GLMN: variants seen among roughly 807,000 people sequenced by gnomAD.
GLMN encodes the protein glomulin, FKBP associated protein, also known as glomulin.
A neutral mutation model predicts 87.8 loss-of-function variants in GLMN; 75 were observed. That is an observed-to-expected ratio of 0.85 (90% confidence interval 0.71 to 1.04). The LOEUF (loss-of-function observed/expected upper bound fraction) is 1.04. GLMN is among the 50% of genes least tolerant of loss of function. The pLI is 0.00. For missense variants in GLMN, 588 were observed against 658.8 expected (o/e 0.89, Z 1.18); for synonymous variants, 206 against 221.6 (o/e 0.93, Z 0.63).
the GLMN span, among the ~76,000 whole-genome samples, chr1:92,368,573 A>T: frequency 6.6e-6 from 1 of 152,328 alleles, no homozygotes; most frequent in South Asian, 2.1e-4. Context: ...GGTTTAGTCA[A>T]GAGTTTGTAC....
chr1:92,280,356 A>G (rs1046846072), intron 7 of GLMN, among the ~76,000 whole-genome samples: 2 of 152,194 alleles, frequency 1.3e-5, no homozygotes, highest in Non-Finnish European at 2.9e-5. Flanking sequence ...AGCAAACTCC[A>G]ACATACCTGC....
chr1:92,366,880 GT>G, the GLMN span, among the ~76,000 whole-genome samples: 1 of 152,084 alleles, frequency 6.6e-6, no homozygotes, highest in Non-Finnish European at 1.5e-5. Context: ...CTTCATTTCA[GT>G]TTTGATTGTA....
In GLMN at chr1:92,290,391, G is replaced by A. The variant is rs750620007; in HGVS notation, c.286-85C>T. ...TACTATTTTTAAGAAGGCATGTATCGACAAAATATTATACAATTATGTTTT... is the reference window on the plus strand; with the variant it reads ...TACTATTTTTAAGAAGGCATGTATCAACAAAATATTATACAATTATGTTTT... On this transcript the variant is annotated intron_variant, in intron 4 of 18. Transcript: ENST00000370360. The A allele has an allele frequency of 2.8e-5, 22 of 782,832 alleles. 1 individual carries two copies. Among genetic ancestry groups the A allele is most frequent in the Admixed American group, 5.7e-5 (3 of 52,594 alleles). 48.5% of individuals were successfully genotyped at this position (782,832 alleles called of 1,614,324 possible).
At chr1:92,254,257 T>C (rs981173717) in intron 16 of GLMN, among the ~76,000 whole-genome samples, 3 of 152,014 alleles carry the variant, frequency 2.0e-5, no homozygotes, top group African/African-American at 7.2e-5. Context: ...TTCCAAGAAA[T>C]ATGGGACTAT....
the GLMN span, among the ~76,000 whole-genome samples, chr1:92,352,718 A>G: frequency 6.6e-6 from 1 of 152,228 alleles, no homozygotes; most frequent in Non-Finnish European, 1.5e-5. Context: ...CATCATTTGT[A>G]TATTTTAAAA....
the GLMN span, among the ~76,000 whole-genome samples, chr1:92,361,274 C>T: frequency 6.6e-6 from 1 of 151,986 alleles, no homozygotes; most frequent in African/African-American, 2.4e-5. Context: ...AAATTTGAAG[C>T]AGTTTTCTTA....
At chr1:92,269,200 C>CTTTTTTTTT (rs769947623) in intron 9 of GLMN, among the ~76,000 whole-genome samples, 2 of 132,106 alleles carry the variant, frequency 1.5e-5, no homozygotes, top group Non-Finnish European at 3.3e-5. Context: ...CCGTGCCTGG[C>CTTTTTTTTT]TTTTTTTTTT....
chr1:92,333,434 A>G, the GLMN span: 2 of 1,613,768 alleles, frequency 1.2e-6, no homozygotes, highest in East Asian at 4.5e-5. Flanking sequence ...TCCCAGAACC[A>G]GATTAGAAAA....
chr1:92,368,165 G>T, the GLMN span, among the ~76,000 whole-genome samples: 1 of 152,150 alleles, frequency 6.6e-6, no homozygotes, highest in South Asian at 2.1e-4. Context: ...TGGGTCACAA[G>T]GTCAGGAGTT....
intron 7 of GLMN, among the ~76,000 whole-genome samples, chr1:92,283,005 A>G (rs1648269917): frequency 6.6e-6 from 1 of 152,236 alleles, no homozygotes; most frequent in South Asian, 2.1e-4. Flanking sequence ...AACCAAAAAA[A>G]GTCGAGGACC....
chr1:92,341,786 A>C, the GLMN span, among the ~76,000 whole-genome samples: 1 of 152,178 alleles, frequency 6.6e-6, no homozygotes. Context: ...CTGGGATTAC[A>C]GGCATGCGCC....
the GLMN span, among the ~76,000 whole-genome samples, chr1:92,309,586 C>T: frequency 3.6e-3 from 26 of 7,202 alleles, no homozygotes; most frequent in East Asian, 0.083. Flanking sequence ...CATATACATA[C>T]ACATACACAT....
the GLMN span, among the ~76,000 whole-genome samples, chr1:92,340,101 A>G: frequency 1.3e-5 from 2 of 152,244 alleles, no homozygotes; most frequent in African/African-American, 4.8e-5. Context: ...CCAAAAAAGT[A>G]TGCTTTATTT....
chr1:92,314,306 G>GT, the GLMN span, among the ~76,000 whole-genome samples: 22 of 148,662 alleles, frequency 1.5e-4, no homozygotes, highest in African/African-American at 5.4e-4. Context: ...CATTGTAAGG[G>GT]TTTTTTTGTT....
At chr1:92,263,901 G>T (rs1036752481) in intron 14 of GLMN, among the ~76,000 whole-genome samples, 169 bp from the exon 15 acceptor site, 1 of 152,190 alleles carries the variant, frequency 6.6e-6, no homozygotes, top group Non-Finnish European at 1.5e-5. Flanking sequence ...AACCCTGCCA[G>T]TTTGAGAACA....
chr1:92,332,113 CT>C, the GLMN span, among the ~76,000 whole-genome samples: 4 of 149,790 alleles, frequency 2.7e-5, no homozygotes, highest in South Asian at 2.1e-4. Flanking sequence ...TCTCTTTAGT[CT>C]TTTTTTTTAC....
intron 16 of GLMN, among the ~76,000 whole-genome samples, chr1:92,252,004 G>T (rs1259506380): frequency 6.6e-6 from 1 of 151,704 alleles, no homozygotes; most frequent in Non-Finnish European, 1.5e-5. Flanking sequence ...CGCCATGTTG[G>T]ACTGGCTGGT....
At chr1:92,323,402 G>T in the GLMN span, 1 of 1,366,742 alleles carries the variant, frequency 7.3e-7, no homozygotes, top group East Asian at 2.3e-5. Flanking sequence ...GGTTTTATTT[G>T]CTATTTTTTA....
At chr1:92,300,361 G>C, upstream of GLMN, 2 of 733,676 alleles carry the variant, frequency 2.7e-6, no homozygotes, top group Non-Finnish European at 2.3e-6. Context: ...AGAGGGAAGG[G>C]AAAGATCTGG....
Sources: allele counts gnomAD v4.1 joint callset (sites outside exome capture counted in the v4.1 genomes callset), GRCh38; gene constraint gnomAD v4.1.1; transcripts MANE v1.5; gene names NCBI Gene and HGNC (gene_info 2026-07-23, HGNC 2026-07-21).